Variants in USP5 observed in about 807,000 individuals in gnomAD.
The protein encoded by USP5 is ubiquitin carboxyl-terminal hydrolase 5.
In USP5, 24 loss-of-function variants were observed where a neutral mutation model predicts 102.5. The observed-to-expected ratio is 0.23, with a 90% CI of 0.17 to 0.33. The LOEUF (loss-of-function observed/expected upper bound fraction) is 0.33, where lower values mean the gene tolerates loss of function less well. Among genes scored for constraint, USP5 ranks in the 10% least tolerant of loss-of-function variants. USP5 has a pLI of 1.00. For missense variants in USP5, 753 were observed against 1,122.1 expected (o/e 0.67, Z 4.70); for synonymous variants, 460 against 434.8 (o/e 1.06, Z -0.72).
In USP5 at chr12:6,858,108, C is replaced by T. The variant is rs904736167; in HGVS notation, c.865-316C>T. Among the ~76,000 whole-genome samples the T allele has an allele frequency of 2.0e-5, 3 of 152,116 alleles. No homozygotes were observed. Among genetic ancestry groups the T allele is most frequent in the Non-Finnish European group, 4.4e-5 (3 of 68,026 alleles). The stretch of plus-strand genomic sequence containing the variant: ...CTAGTTTAGGGATCAGGGACATTTC[C>T]CTGAGGAAGCGATGCTTAACTGACA... On this transcript the variant is annotated intron_variant, in intron 7 of 19. Transcript: ENST00000229268. The surrounding 1 kb of genome is among the most constrained non-coding windows in gnomAD (Gnocchi z 4.2).
chr12:6,860,220 G>A lies in USP5; in HGVS notation c.1200G>A (p.Glu400=), dbSNP rs1565531991. Residue 400 remains glutamate, a synonymous_variant, in exon 10 of 20, where the codon GAG becomes GAA. Coordinates refer to ENST00000229268, the MANE Select transcript of USP5 (RefSeq NM_001098536.2). The surrounding 1 kb of genome is among the most constrained non-coding windows in gnomAD (Gnocchi z 5.5). ...CAGTACCGGAGTCGGGCGATGGGGA[G>A]CGGGTGCCAGAACAGAAGGTGCGTC... ...SKPVPESGDG[E]RVPEQKEVQD... is the part of the protein sequence containing the mutation. 4.4e-6 allele frequency: 7 copies of A among 1,608,552 alleles called. No individual in the cohort carries two copies. The highest frequency in any genetic ancestry group is 5.9e-6 in the Non-Finnish European group (7 of 1,178,364).
chr12:6,855,732 C>G lies in USP5; in HGVS notation c.238-23C>G. The G allele has an allele frequency of 6.2e-7, 1 of 1,614,086 alleles. No homozygotes were observed. Among genetic ancestry groups the G allele is most frequent in the East Asian group, 2.2e-5 (1 of 44,894 alleles). ...CCTTCGCTCGTGCTCATTGCTGATC[C>G]AGCCCTTCCTGCTTCTTTACAGAAA... is the stretch of plus-strand genomic sequence containing the variant. On this transcript the variant is annotated intron_variant, in intron 2 of 19. Transcript: ENST00000229268. The surrounding 1 kb of genome is among the most constrained non-coding windows in gnomAD (Gnocchi z 4.6).
chr12:6,864,827 ATC>A lies in USP5; in HGVS notation c.2354_2355del (p.Ser785Ter). On this transcript the variant is annotated frameshift_variant, in exon 18 of 20. Transcript: ENST00000229268. LOFTEE classifies it high-confidence loss of function. The surrounding 1 kb of genome is among the most constrained non-coding windows in gnomAD (Gnocchi z 4.8). ...AGAGGGCCGCTCAGCTGCCGACTCC[ATC>A]TCTGAGTCTGTGCCAGTGGGACCTA... ...ISEGRSAADS[I>X]SESVPVGPKV... The A allele has an allele frequency of 6.2e-7, 1 of 1,614,000 alleles. No homozygotes were observed. The highest frequency in any genetic ancestry group is 8.5e-7 in the Non-Finnish European group (1 of 1,180,022).
chr12:6,865,323 A>G, intron 19 of USP5, 75 bp downstream of exon 19: 1 of 1,376,266 alleles, frequency 7.3e-7, no homozygotes, highest in South Asian at 1.2e-5. Context: ...AGTCCTTGGG[A>G]TAGCTATGGG....
Position 6,856,635 on chromosome 12 carries a change from GA to G in USP5, c.585-71del. On this transcript the variant is annotated intron_variant, in intron 5 of 19. Transcript: ENST00000229268. The surrounding 1 kb of genome is among the most constrained non-coding windows in gnomAD (Gnocchi z 5.6). ...ACCTTGGATTGGCGGGGGGCCTGCAGAGCCCTCTCTCTCTGCCACTCCCTCA... is the reference window on the plus strand; with the variant it reads ...ACCTTGGATTGGCGGGGGGCCTGCAGGCCCTCTCTCTCTGCCACTCCCTCA... The G allele has an allele frequency of 6.4e-7, 1 of 1,569,040 alleles. No individual in the cohort carries two copies. Among genetic ancestry groups the G allele is most frequent in the Non-Finnish European group, 8.6e-7 (1 of 1,159,466 alleles).
intron 1 of USP5, among the ~76,000 whole-genome samples, 192 bp downstream of exon 1, chr12:6,852,482 C>T (rs1290648265): frequency 6.6e-6 from 1 of 152,262 alleles, no homozygotes; most frequent in African/African-American, 2.4e-5. Flanking sequence ...CGGAAGCCGC[C>T]GCGCTCACCT....
At chr12:6,865,709 T>C (rs1944425353) in intron 19 of USP5, among the ~76,000 whole-genome samples, 1 of 152,192 alleles carries the variant, frequency 6.6e-6, no homozygotes, top group Admixed American at 6.5e-5. Flanking sequence ...TCAAATACTA[T>C]CTGGCCCTTG....
chr12:6,865,029 C>T, intron 18 of USP5, 135 bp from the exon 19 acceptor site: 1 of 1,298,628 alleles, frequency 7.7e-7, no homozygotes, highest in Non-Finnish European at 1.1e-6. Flanking sequence ...GACATGGAGA[C>T]AGGCTCTGGC....
chr12:6,857,356 T>A, intron 6 of USP5: 1 of 422,034 alleles, frequency 2.4e-6, no homozygotes, highest in African/African-American at 2.0e-5. Context: ...TCCTCATCCC[T>A]TTCCTACCAA....
intron 9 of USP5, among the ~76,000 whole-genome samples, chr12:6,859,753 A>G (rs1434796114): frequency 6.6e-6 from 1 of 152,138 alleles, no homozygotes; most frequent in African/African-American, 2.4e-5. Context: ...CCTGGGTTCA[A>G]GTGATTCTCC....
At chr12:6,854,578 G>A (rs899967201) in intron 1 of USP5, among the ~76,000 whole-genome samples, 8 of 149,666 alleles carry the variant, frequency 5.3e-5, no homozygotes, top group African/African-American at 1.5e-4. Flanking sequence ...GCAACATAGC[G>A]AGACCCCACC....
Position 6,865,143 on chromosome 12 carries a change from AC to A in USP5, c.2399-16del. 2 of 1,592,724 alleles carry A rather than the reference AC, an allele frequency of 1.3e-6. No homozygotes were observed. The highest frequency in any genetic ancestry group is 1.1e-5 in the South Asian group (1 of 90,522). Reference sequence around the variant, plus strand: ...CATTCCTCTTCTGTTTCCTTCTCTGACCCCCTCTCTCCTTTCCTAGAGTATC... The same window carrying A: ...CATTCCTCTTCTGTTTCCTTCTCTGACCCCTCTCTCCTTTCCTAGAGTATC... On this transcript the variant is annotated intron_variant, in intron 18 of 19. Transcript: ENST00000229268.
rs372777292 is a variant in USP5, at chr12:6,866,029, G to A, written c.2529G>A (p.Pro843=). ...NDQKVCASEK[P]PKDLGYIYFY... ...AGAAAGTGTGTGCCTCCGAGAAGCC[G>A]CCCAAGGACCTGGGCTACATCTACT... The change falls in exon 20 of 20, where the codon CCG becomes CCA. Residue 843 remains proline (P), a synonymous_variant. Transcript: ENST00000229268. The surrounding 1 kb of genome is among the most constrained non-coding windows in gnomAD (Gnocchi z 4.7). 6.9e-5 allele frequency: 112 copies of A among 1,613,928 alleles called. No homozygotes were observed. Among genetic ancestry groups the A allele is most frequent in the African/African-American group, 8.0e-5 (6 of 74,868 alleles).
Position 6,856,752 on chromosome 12 carries a change from C to CA in USP5, c.632dup (p.Asn211LysfsTer4). On this transcript the variant is annotated frameshift_variant, in exon 6 of 20. Transcript: ENST00000229268. LOFTEE classifies it high-confidence loss of function. This position sits in a 1 kb window ranked among gnomAD's most constrained non-coding sequence, Gnocchi z 5.6. ...GTGACATGAGAGAGAACCTGTGGCT[C>CA]AACCTGACTGATGGCTCCATCCTCT... 1.9e-6 allele frequency: 3 copies of CA among 1,614,112 alleles called. No homozygotes were observed. Among genetic ancestry groups the CA allele is most frequent in the Non-Finnish European group, 1.7e-6 (2 of 1,180,030 alleles).
intron 6 of USP5, chr12:6,857,290 T>G (rs1264955117): frequency 9.3e-6 from 3 of 322,110 alleles, no homozygotes; most frequent in African/African-American, 6.4e-5. Context: ...AGACCCTGTC[T>G]CAAAAAAGGA....
At position 6,852,154 on chromosome 12, in the gene USP5, T is replaced by G. The variant is rs782235822; in HGVS notation, c.-26T>G. On this transcript the variant is annotated 5_prime_UTR_variant, in exon 1 of 20. Transcript: ENST00000229268. Reference sequence around the variant, plus strand: ...GGACTGGGAACGGTGGGAGCCGCCGTGTGTGGAGAAGCTGCTGCCGGTGTC... The same window carrying G: ...GGACTGGGAACGGTGGGAGCCGCCGGGTGTGGAGAAGCTGCTGCCGGTGTC... 1.6e-5 allele frequency: 25 copies of G among 1,596,416 alleles called. No individual in the cohort carries two copies. The South Asian group carries it at 2.8e-4, about 18-fold the overall frequency.
In USP5 at chr12:6,856,837, G is replaced by C. The variant is rs370833306; in HGVS notation, c.715G>C (p.Glu239Gln). 14 of 1,614,066 alleles carry C rather than the reference G, an allele frequency of 8.7e-6. No homozygotes were observed. The highest frequency in any genetic ancestry group is 1.7e-5 in the Admixed American group (1 of 60,012). The change falls in exon 6 of 20, where the codon GAG becomes CAG. Residue 239 changes from glutamate (E) to glutamine (Q), a missense_variant. Physicochemically the swap from Glu to Gln is conservative, Grantham distance 29. Transcript: ENST00000229268. The surrounding 1 kb of genome is among the most constrained non-coding windows in gnomAD (Gnocchi z 5.6). The stretch of plus-strand genomic sequence containing the variant: ...CAACCACGCTGTGGAGCACTACCGA[G>C]AGACAGGCTACCCGTTAGCTGTCAA... ...GNNHAVEHYR[E>Q]TGYPLAVKLG...
rs73260823 is a variant in USP5 at position 6,855,371 on chromosome 12, G to C, written c.112-30G>C. ...CCTGACCAGGCTTCATAACATCCTCGTGTTTTCACCCTTACCTCTTGTCCC... is the reference window on the plus strand; with the variant it reads ...CCTGACCAGGCTTCATAACATCCTCCTGTTTTCACCCTTACCTCTTGTCCC... On this transcript the variant is annotated intron_variant, in intron 1 of 19. Transcript: ENST00000229268. The surrounding 1 kb of genome is among the most constrained non-coding windows in gnomAD (Gnocchi z 4.6). The C allele has an allele frequency of 1.2e-6, 2 of 1,610,648 alleles. No homozygotes were observed. Among genetic ancestry groups the C allele is most frequent in the African/African-American group, 2.7e-5 (2 of 74,674 alleles).
chr12:6,855,605 T>TC lies in USP5; in HGVS notation c.237+80dup. 1.3e-6 allele frequency: 2 copies of TC among 1,590,396 alleles called. No individual in the cohort carries two copies. The highest frequency in any genetic ancestry group is 4.5e-5 in the East Asian group (2 of 44,682). ...TCCTATTGGACTCAGTTTCTTTTTT[T>TC]CACCTACTTTTGTGTCATTAAAGCT... On this transcript the variant is annotated intron_variant, in intron 2 of 19. Coordinates refer to ENST00000229268, the MANE Select transcript of USP5 (RefSeq NM_001098536.2). This position sits in a 1 kb window ranked among gnomAD's most constrained non-coding sequence, Gnocchi z 4.6.
Sources: gnomAD v4.1 joint callset for allele counts (sites outside exome capture counted in the v4.1 genomes callset) on GRCh38, gnomAD v4.1.1 for gene constraint, Gnocchi (gnomAD v3.1) non-coding constraint, MANE v1.5 for transcripts, NCBI Gene and HGNC (gene_info 2026-07-23, HGNC 2026-07-21) for gene names.